The following MYT1L variants were observed in gnomAD, a reference collection of about 807,000 sequenced individuals.
MYT1L encodes myelin transcription factor 1-like protein.
Under a neutral mutation model 126.7 loss-of-function variants are expected in MYT1L, and 12 were observed. The ratio of observed to expected loss-of-function variants is 0.09; its 90% CI spans 0.06 to 0.15. The LOEUF (loss-of-function observed/expected upper bound fraction) is 0.15, where lower values mean the gene tolerates loss of function less well. Ranked by LOEUF, MYT1L falls within the 10% of genes least tolerant of loss-of-function variation. The pLI is 1.00. For missense variants in MYT1L, 979 were observed against 1,585.2 expected, an observed-to-expected ratio of 0.62 and a Z score of 6.49; for synonymous variants, 541 against 604.2, an observed-to-expected ratio of 0.90 and a Z score of 1.53.
chr2:2,067,176 A>G (rs1360700719), intron 3 of MYT1L, among the ~76,000 whole-genome samples: 1 of 152,222 alleles, frequency 6.6e-6, no homozygotes, highest in Non-Finnish European at 1.5e-5. Context: ...ACCTGACATT[A>G]AGAATTATTC....
intron 1 of MYT1L, among the ~76,000 whole-genome samples, chr2:2,306,774 G>A (rs941101132): frequency 3.3e-5 from 5 of 152,112 alleles, no homozygotes; most frequent in Admixed American, 6.6e-5. Flanking sequence ...CACACCAACA[G>A]AGATTTACTG....
chr2:1,858,982 A>G (rs2044246512), intron 18 of MYT1L, among the ~76,000 whole-genome samples: 1 of 152,130 alleles, frequency 6.6e-6, no homozygotes, highest in Admixed American at 6.5e-5. Context: ...CATGCCTGCT[A>G]CTTGGAAGTA....
At position 1,823,298 on chromosome 2, in the gene MYT1L, T is replaced by C. The variant is rs564575319; in HGVS notation, c.3081-14131A>G. 1.6e-3 allele frequency among the ~76,000 whole-genome samples: 248 copies of C among 152,320 alleles called. 1 individual carries two copies. The highest frequency in any genetic ancestry group is 5.7e-3 in the African/African-American group (235 of 41,580). On this transcript the variant is annotated intron_variant, in intron 21 of 24. Transcript: ENST00000647738. ...GGGCTGTTGCTGCTGTTGTCAGAGC[T>C]GTGGCTGTGAGGCTGTTGTTGCTGT... is the stretch of plus-strand genomic sequence containing the variant.
intron 3 of MYT1L, among the ~76,000 whole-genome samples, chr2:2,095,930 C>T (rs531548029): frequency 1.2e-4 from 18 of 152,216 alleles, no homozygotes; most frequent in Admixed American, 2.6e-4. Context: ...GCGAGTTGGG[C>T]CCCAGATGCC....
chr2:2,211,414 T>A lies in MYT1L; in HGVS notation c.-420-38426A>T, dbSNP rs184102771. On this transcript the variant is annotated intron_variant, in intron 2 of 24. Coordinates refer to ENST00000647738, the MANE Select transcript of MYT1L (RefSeq NM_001303052.2). Reference sequence around the variant, plus strand: ...CATGATCTTCATGTATCGTTTTTTTTAAAAAAATTCTGTTAGTACTCCTTT... The same window carrying A: ...CATGATCTTCATGTATCGTTTTTTTAAAAAAAATTCTGTTAGTACTCCTTT... Among the ~76,000 whole-genome samples the A allele has an allele frequency of 3.9e-3, 594 of 152,234 alleles. 3 individuals are homozygous for A. Among genetic ancestry groups the A allele is most frequent in the African/African-American group, 0.013 (556 of 41,540 alleles).
intron 8 of MYT1L, among the ~76,000 whole-genome samples, chr2:1,944,979 T>C (rs2057062927): frequency 6.6e-6 from 1 of 152,138 alleles, no homozygotes; most frequent in African/African-American, 2.4e-5. Context: ...TTCACAGATA[T>C]GTAAAGGATG....
chr2:1,892,816 G>A (rs556967871), intron 14 of MYT1L, among the ~76,000 whole-genome samples: 12 of 152,214 alleles, frequency 7.9e-5, no homozygotes, highest in East Asian at 3.9e-4. Context: ...GAGGGGCCCC[G>A]GCAGCCACCT....
At chr2:2,040,803 T>G (rs752368446) in intron 4 of MYT1L, among the ~76,000 whole-genome samples, 2 of 152,170 alleles carry the variant, frequency 1.3e-5, no homozygotes, top group Non-Finnish European at 2.9e-5. Context: ...TTAAGTGTAT[T>G]TTTTAAAATT....
chr2:2,122,393 CGG>C (rs1174456668), intron 3 of MYT1L, among the ~76,000 whole-genome samples: 1 of 152,114 alleles, frequency 6.6e-6, no homozygotes, highest in African/African-American at 2.4e-5. Context: ...GGCTGGAACA[CGG>C]AAGCACCCAG....
At chr2:2,146,866 G>A (rs2084958602) in intron 3 of MYT1L, among the ~76,000 whole-genome samples, 1 of 152,156 alleles carries the variant, frequency 6.6e-6, no homozygotes, top group Non-Finnish European at 1.5e-5. Flanking sequence ...TGTCTTGTGT[G>A]ACCTTGAACA....
chr2:2,094,683 A>G (rs2077246547), intron 3 of MYT1L, among the ~76,000 whole-genome samples: 1 of 151,330 alleles, frequency 6.6e-6, no homozygotes, highest in Non-Finnish European at 1.5e-5. Flanking sequence ...CAAAAAATCA[A>G]ACATCGCATG....
intron 18 of MYT1L, among the ~76,000 whole-genome samples, chr2:1,875,728 G>C (rs2046825571): frequency 6.6e-6 from 1 of 151,838 alleles, no homozygotes; most frequent in African/African-American, 2.4e-5. Flanking sequence ...TGCCAGGAAA[G>C]AAATCTCCTC....
At chr2:1,962,493 G>A (rs1558554498) in intron 8 of MYT1L, among the ~76,000 whole-genome samples, 1 of 152,312 alleles carries the variant, frequency 6.6e-6, no homozygotes, top group South Asian at 2.1e-4. Flanking sequence ...AGTGGTGGTT[G>A]CTGAAGCCTG....
At chr2:1,845,184 A>G (rs1159242617) in intron 19 of MYT1L, among the ~76,000 whole-genome samples, 1 of 152,010 alleles carries the variant, frequency 6.6e-6, no homozygotes, top group Non-Finnish European at 1.5e-5. Context: ...TCATCATGTT[A>G]GCTGATCTCG....
rs537795998 is a variant in MYT1L, at chr2:1,993,545, C to T, written c.-1+3646G>A. ...TTGAACTCATCTTTTTGAATGGCTG[C>T]ATAGTATTCCTCAGAATATACCTAC... On this transcript the variant is annotated intron_variant, in intron 5 of 24. Transcript: ENST00000647738. 7.7e-4 allele frequency among the ~76,000 whole-genome samples: 117 copies of T among 152,320 alleles called. 1 individual carries two copies. The highest frequency in any genetic ancestry group is 1.2e-3 in the Non-Finnish European group (79 of 68,032).
At chr2:2,011,316 C>T (rs549239100) in intron 4 of MYT1L, among the ~76,000 whole-genome samples, 3 of 151,494 alleles carry the variant, frequency 2.0e-5, no homozygotes, top group Non-Finnish European at 2.9e-5. Flanking sequence ...CACTTGAACC[C>T]GGGAGGCAGT....
intron 3 of MYT1L, among the ~76,000 whole-genome samples, chr2:2,068,780 T>G (rs1401292968): frequency 2.1e-5 from 3 of 139,920 alleles, no homozygotes; most frequent in African/African-American, 5.2e-5. Context: ...TTTTTTTTTT[T>G]TTTTTTTTTT....
intron 3 of MYT1L, among the ~76,000 whole-genome samples, chr2:2,085,310 A>G (rs1395617992): frequency 6.6e-6 from 1 of 152,132 alleles, no homozygotes; most frequent in African/African-American, 2.4e-5. Flanking sequence ...CCACTGTCTA[A>G]GCAGTTGAGT....
At chr2:2,181,284 G>A (rs1056977827) in intron 2 of MYT1L, among the ~76,000 whole-genome samples, 3 of 151,854 alleles carry the variant, frequency 2.0e-5, no homozygotes, top group Non-Finnish European at 4.4e-5. Flanking sequence ...ACCCGTGTGC[G>A]TGCACCTGTG....
Sources: allele counts gnomAD v4.1 joint callset (sites outside exome capture counted in the v4.1 genomes callset), GRCh38; gene constraint gnomAD v4.1.1; transcripts MANE v1.5; gene names NCBI Gene and HGNC (gene_info 2026-07-23, HGNC 2026-07-21).